The following SLC36A1 variants were observed in gnomAD, a reference collection of about 807,000 sequenced individuals.
SLC36A1 encodes the protein proton-coupled amino acid transporter 1.
SLC36A1 carries 30 observed loss-of-function variants against 47.5 expected under a neutral mutation model. The ratio of observed to expected loss-of-function variants is 0.63; its 90% CI spans 0.47 to 0.86. The LOEUF is 0.86. Ranked by LOEUF, SLC36A1 falls within the 40% of genes least tolerant of loss-of-function variation. The probability of loss-of-function intolerance (pLI) is 0.00; values close to 1 mark genes in which losing one functional copy is unlikely to be tolerated. For synonymous variants in SLC36A1, 255 were observed against 249.7 expected (o/e 1.02, Z -0.20); for missense variants, 517 against 606.0 (o/e 0.85, Z 1.54).
At chr5:151,347,278 G>A in the SLC36A1 span, 1 of 1,613,976 alleles carries the variant, frequency 6.2e-7, no homozygotes, top group South Asian at 1.1e-5. Context: ...AAATAGGGAT[G>A]GCAGAAAACA....
chr5:151,374,656 T>C, the SLC36A1 span, among the ~76,000 whole-genome samples: 3 of 152,222 alleles, frequency 2.0e-5, no homozygotes, highest in Non-Finnish European at 4.4e-5. Context: ...TACTTTTTCA[T>C]AGAGGCTGTA....
At chr5:151,419,135 G>A in the SLC36A1 span, among the ~76,000 whole-genome samples, 2 of 152,198 alleles carry the variant, frequency 1.3e-5, no homozygotes, top group African/African-American at 2.4e-5. Context: ...AAACCATGCT[G>A]AACTGTGAGT....
chr5:151,511,800 C>T, the SLC36A1 span: 17 of 213,938 alleles, frequency 7.9e-5, no homozygotes, highest in African/African-American at 3.2e-4. Context: ...TAAATGTTTG[C>T]CTCTAGTGTT....
chr5:151,507,459 C>T, the SLC36A1 span: 10 of 1,613,968 alleles, frequency 6.2e-6, no homozygotes, highest in East Asian at 4.5e-5. Context: ...CTTGCAACGG[C>T]GGCAGTAGAA....
the SLC36A1 span, chr5:151,347,461 G>A: frequency 1.2e-6 from 2 of 1,613,808 alleles, no homozygotes; most frequent in Non-Finnish European, 1.7e-6. Context: ...TCACAGACAT[G>A]ACTGCTTAAG....
chr5:151,369,842 T>C, the SLC36A1 span, among the ~76,000 whole-genome samples: 1 of 151,808 alleles, frequency 6.6e-6, no homozygotes, highest in Non-Finnish European at 1.5e-5. Context: ...TCACCCAGGC[T>C]GGAATGCAGT....
the SLC36A1 span, among the ~76,000 whole-genome samples, chr5:151,532,379 G>A: frequency 1.8e-5 from 2 of 113,194 alleles, no homozygotes; most frequent in Non-Finnish European, 1.8e-5. Context: ...AACTAAGTGT[G>A]CGTGTACAAA....
the SLC36A1 span, among the ~76,000 whole-genome samples, chr5:151,361,386 T>C: frequency 1.3e-5 from 2 of 152,238 alleles, no homozygotes; most frequent in African/African-American, 2.4e-5. Context: ...ACATCTTATA[T>C]TGCTTTAAAA....
chr5:151,544,709 G>A, the SLC36A1 span: 1 of 1,614,184 alleles, frequency 6.2e-7, no homozygotes, highest in South Asian at 1.1e-5. Context: ...ACTTTGAGGT[G>A]ATATTTATTT....
chr5:151,527,318 C>T, the SLC36A1 span: 2 of 1,613,480 alleles, frequency 1.2e-6, no homozygotes, highest in East Asian at 2.2e-5. Flanking sequence ...TGTCTGTGTC[C>T]TCATGCAGTG....
the SLC36A1 span, among the ~76,000 whole-genome samples, chr5:151,362,221 AT>A: frequency 1.3e-5 from 2 of 151,958 alleles, no homozygotes; most frequent in Non-Finnish European, 2.9e-5. Context: ...TTTTGAGATA[AT>A]TTTTTAATAT....
chr5:151,488,463 C>G lies in SLC36A1; in HGVS notation c.*209C>G. ...AGACACGCAGAAGTGCTACTAGTGA[C>G]AGGGCTGCCATCGCTCACCTGTACC... On this transcript the variant is annotated 3_prime_UTR_variant, in exon 11 of 11. Coordinates refer to ENST00000243389, the MANE Select transcript of SLC36A1 (RefSeq NM_078483.4). 5 of 624,662 alleles carry G rather than the reference C, an allele frequency of 8.0e-6. No individual in the cohort carries two copies. Among genetic ancestry groups the G allele is most frequent in the Non-Finnish European group, 1.4e-5 (5 of 363,612 alleles). 38.7% of individuals were successfully genotyped at this position (624,662 alleles called of 1,614,324 possible).
the SLC36A1 span, among the ~76,000 whole-genome samples, chr5:151,371,628 A>G: frequency 2.6e-5 from 4 of 152,154 alleles, no homozygotes; most frequent in Non-Finnish European, 5.9e-5. Flanking sequence ...CTTGTTATCA[A>G]CTCCCACTAT....
chr5:151,353,107 T>C, the SLC36A1 span, among the ~76,000 whole-genome samples: 4 of 152,244 alleles, frequency 2.6e-5, no homozygotes, highest in Non-Finnish European at 4.4e-5. Context: ...ATGGGAATTA[T>C]GAGCCAGGAA....
In SLC36A1 at chr5:151,473,772, G is replaced by A. The variant is rs747520444; in HGVS notation, c.822+1G>A. The A allele has an allele frequency of 3.1e-6, 5 of 1,610,558 alleles. No homozygotes were observed. The Admixed American group carries it at 8.3e-5, about 27-fold the overall frequency. ...TTTTTCATTTGAAGGCATTGGAATG[G>A]TAAGAGCTGCACTGTGATTTGGGCT... is the stretch of plus-strand genomic sequence containing the variant. On this transcript the variant is annotated splice_donor_variant, in intron 8 of 10. Transcript: ENST00000243389. LOFTEE classifies it high-confidence loss of function.
the SLC36A1 span, among the ~76,000 whole-genome samples, chr5:151,552,991 C>T: frequency 6.6e-6 from 1 of 152,244 alleles, no homozygotes; most frequent in Non-Finnish European, 1.5e-5. Flanking sequence ...GCTTGGCAGA[C>T]GTGGCATTCT....
chr5:151,507,640 A>T, the SLC36A1 span: 1 of 1,560,448 alleles, frequency 6.4e-7, no homozygotes, highest in Non-Finnish European at 8.7e-7. Context: ...CAGGGGGCCA[A>T]GTCATGAAAT....
At chr5:151,505,523 C>G in the SLC36A1 span, 36 of 1,611,050 alleles carry the variant, frequency 2.2e-5, no homozygotes, top group Non-Finnish European at 2.8e-5. Context: ...AAGCCAAGTC[C>G]AGTCCTTGGC....
chr5:151,515,405 G>A, the SLC36A1 span, among the ~76,000 whole-genome samples: 302 of 152,146 alleles, frequency 2.0e-3, 3 homozygotes, highest in African/African-American at 7.0e-3. Context: ...CCACGTATGC[G>A]CTGAAGACTC....
Sources: gnomAD v4.1 joint callset for allele counts (sites outside exome capture counted in the v4.1 genomes callset) on GRCh38, gnomAD v4.1.1 for gene constraint, MANE v1.5 for transcripts, NCBI Gene and HGNC (gene_info 2026-07-23, HGNC 2026-07-21) for gene names.